The following ROR1 variants were observed in gnomAD, a reference collection of about 807,000 sequenced individuals.
ROR1 encodes the protein ROR family WNT receptor 1.
A neutral mutation model predicts 78.8 loss-of-function variants in ROR1; 19 were observed. The ratio of observed to expected loss-of-function variants is 0.24; its 90% CI spans 0.17 to 0.35. The LOEUF (loss-of-function observed/expected upper bound fraction) is 0.35. Among genes scored for constraint, ROR1 ranks in the 10% least tolerant of loss-of-function variants. The pLI is 1.00. For missense variants in ROR1, 917 were observed against 1,177.8 expected (o/e 0.78, Z 3.24); for synonymous variants, 386 against 433.6 (o/e 0.89, Z 1.36).
At chr1:64,009,490 G>A (rs1646458599) in intron 2 of ROR1, 114 bp downstream of exon 2, 4 of 713,960 alleles carry the variant, frequency 5.6e-6, no homozygotes, top group Non-Finnish European at 9.9e-6. Flanking sequence ...AGGAGGTGGG[G>A]GCCAAAATAA....
intron 1 of ROR1, among the ~76,000 whole-genome samples, chr1:63,951,377 G>C (rs1470310550): frequency 6.6e-6 from 1 of 152,190 alleles, no homozygotes; most frequent in Non-Finnish European, 1.5e-5. Flanking sequence ...TTGTGGTAAA[G>C]ACAGATAATA....
At chr1:64,069,171 A>G (rs956496192) in intron 4 of ROR1, among the ~76,000 whole-genome samples, 2 of 151,856 alleles carry the variant, frequency 1.3e-5, no homozygotes, top group South Asian at 2.1e-4. Context: ...GGCGGGGGGA[A>G]CTTTAAAAAA....
chr1:63,800,124 G>T (rs1287411626), intron 1 of ROR1, among the ~76,000 whole-genome samples: 1 of 152,156 alleles, frequency 6.6e-6, no homozygotes, highest in Non-Finnish European at 1.5e-5. Context: ...CAGATGAGAA[G>T]GTTTGACTTA....
chr1:63,858,391 A>C (rs892840055), intron 1 of ROR1, among the ~76,000 whole-genome samples: 3 of 152,196 alleles, frequency 2.0e-5, no homozygotes, highest in Admixed American at 2.0e-4. Flanking sequence ...TGCATTAGTT[A>C]AGTAGAGTGG....
intron 1 of ROR1, among the ~76,000 whole-genome samples, chr1:63,876,402 A>T (rs1569851161): frequency 6.6e-6 from 1 of 152,228 alleles, no homozygotes; most frequent in East Asian, 1.9e-4. Flanking sequence ...GCAATTCATC[A>T]ACTCTGATTT....
chr1:64,142,240 GC>G (rs1344934085), intron 6 of ROR1, among the ~76,000 whole-genome samples, 164 bp from the exon 7 acceptor site: 1 of 152,172 alleles, frequency 6.6e-6, no homozygotes, highest in Non-Finnish European at 1.5e-5. Flanking sequence ...CTGGGTCCAA[GC>G]CCAGCAAAGC....
chr1:64,174,596 G>A (rs1650326364), intron 8 of ROR1, among the ~76,000 whole-genome samples: 1 of 152,072 alleles, frequency 6.6e-6, no homozygotes, highest in Non-Finnish European at 1.5e-5. Flanking sequence ...AGAAGTTTTA[G>A]TACTCAGTCC....
chr1:64,113,356 T>C (rs1252127139), intron 4 of ROR1, among the ~76,000 whole-genome samples: 1 of 152,196 alleles, frequency 6.6e-6, no homozygotes, highest in African/African-American at 2.4e-5. Flanking sequence ...GACATAGCAC[T>C]CTGCAGTTTA....
chr1:64,084,830 C>T (rs6674485), intron 4 of ROR1, among the ~76,000 whole-genome samples: 22,753 of 152,214 alleles, frequency 0.15, 1,792 homozygotes, highest in Middle Eastern at 0.2. Context: ...CGCGACAGGC[C>T]AGCTTTTGCC....
intron 1 of ROR1, among the ~76,000 whole-genome samples, chr1:63,804,694 A>G (rs1304636896): frequency 6.6e-6 from 1 of 152,178 alleles, no homozygotes; most frequent in African/African-American, 2.4e-5. Context: ...TTACATAGGT[A>G]TACATGTGCA....
intron 1 of ROR1, among the ~76,000 whole-genome samples, chr1:63,981,202 C>G (rs1243616394): frequency 6.6e-6 from 1 of 152,134 alleles, no homozygotes; most frequent in Non-Finnish European, 1.5e-5. Context: ...TCCATTTTCA[C>G]ACAACCTTGC....
At chr1:64,058,556 C>G (rs562633727) in intron 4 of ROR1, among the ~76,000 whole-genome samples, 1 of 149,608 alleles carries the variant, frequency 6.7e-6, no homozygotes, top group African/African-American at 2.4e-5. Context: ...ATTGGATTTT[C>G]TCAAGTGCTC....
intron 1 of ROR1, among the ~76,000 whole-genome samples, chr1:63,775,078 A>T (rs1001638166): frequency 6.6e-6 from 1 of 152,000 alleles, no homozygotes; most frequent in Non-Finnish European, 1.5e-5. Context: ...GAGTCATCAT[A>T]GAGGCCAAAA....
chr1:64,049,049 A>G (rs1646807569), intron 2 of ROR1, among the ~76,000 whole-genome samples: 1 of 152,178 alleles, frequency 6.6e-6, no homozygotes, highest in Non-Finnish European at 1.5e-5. Flanking sequence ...GAATTAATCT[A>G]TATATATGTG....
chr1:64,175,289 C>T (rs778168355), intron 8 of ROR1, among the ~76,000 whole-genome samples: 9 of 152,134 alleles, frequency 5.9e-5, no homozygotes, highest in Non-Finnish European at 1.2e-4. Context: ...CCAGCATTAA[C>T]TGTTCTGTTG....
intron 1 of ROR1, among the ~76,000 whole-genome samples, chr1:63,909,268 G>C (rs1645550905): frequency 6.6e-6 from 1 of 152,088 alleles, no homozygotes; most frequent in South Asian, 2.1e-4. Flanking sequence ...AAACTGAGCT[G>C]ATGGTCATTA....
intron 1 of ROR1, among the ~76,000 whole-genome samples, chr1:63,942,257 T>C (rs1645846845): frequency 6.6e-6 from 1 of 152,236 alleles, no homozygotes; most frequent in Admixed American, 6.5e-5. Context: ...GGTTCCCATG[T>C]TTGATAAAAA....
intron 1 of ROR1, among the ~76,000 whole-genome samples, chr1:63,818,585 G>A (rs1236811522): frequency 1.3e-5 from 2 of 152,160 alleles, no homozygotes; most frequent in Non-Finnish European, 2.9e-5. Flanking sequence ...AAAACCAGAG[G>A]GAAAGTACAG....
chr1:64,036,217 G>A (rs1424058304), intron 2 of ROR1, among the ~76,000 whole-genome samples: 1 of 152,104 alleles, frequency 6.6e-6, no homozygotes, highest in Non-Finnish European at 1.5e-5. Flanking sequence ...GCCAGCCAAT[G>A]TTCTTTCTAG....
Sources: gnomAD v4.1 joint callset for allele counts (sites outside exome capture counted in the v4.1 genomes callset) on GRCh38, gnomAD v4.1.1 for gene constraint, MANE v1.5 for transcripts, NCBI Gene and HGNC (gene_info 2026-07-23, HGNC 2026-07-21) for gene names.